The following MTSS1 variants were observed in gnomAD, a reference collection of about 807,000 sequenced individuals.
The protein encoded by MTSS1 is MTSS I-BAR domain containing 1.
In MTSS1, 18 loss-of-function variants were observed where a neutral mutation model predicts 79.0. The observed-to-expected ratio is 0.23, with a 90% CI of 0.16 to 0.34. The LOEUF (loss-of-function observed/expected upper bound fraction) is 0.34, where lower values mean the gene tolerates loss of function less well. MTSS1 is among the 10% of genes least tolerant of loss of function. The pLI is 1.00. For missense variants in MTSS1, 815 were observed against 986.2 expected, an observed-to-expected ratio of 0.83 and a Z score of 2.33; for synonymous variants, 341 against 368.6, an observed-to-expected ratio of 0.93 and a Z score of 0.86.
At chr8:124,637,094 C>G (rs1232482399) in intron 3 of MTSS1, among the ~76,000 whole-genome samples, 1 of 152,032 alleles carries the variant, frequency 6.6e-6, no homozygotes, top group Non-Finnish European at 1.5e-5. Context: ...GGACGTGTAC[C>G]CTAAAAGATG....
chr8:124,689,996 C>T (rs1233745565), intron 3 of MTSS1, among the ~76,000 whole-genome samples: 1 of 152,106 alleles, frequency 6.6e-6, no homozygotes, highest in Non-Finnish European at 1.5e-5. Context: ...ATACAAAATG[C>T]ACGGTGGCTC....
Position 124,597,053 on chromosome 8 carries a change from C to T in MTSS1, c.209-5818G>A, listed in dbSNP as rs1279947121. Among the ~76,000 whole-genome samples the T allele has an allele frequency of 2.0e-5, 3 of 152,200 alleles. No homozygotes were observed. Among genetic ancestry groups the T allele is most frequent in the East Asian group, 3.9e-4 (2 of 5,180 alleles). On this transcript the variant is annotated intron_variant, in intron 3 of 13. Transcript: ENST00000518547. This position sits in a 1 kb window ranked among gnomAD's most constrained non-coding sequence, Gnocchi z 4.6. ...TCAACCTATCTTTCTGGGGGTGCGC[C>T]GCAGTCCACGGCCCACATCCTACCG...
chr8:124,706,749 A>T (rs1011297397), intron 1 of MTSS1, among the ~76,000 whole-genome samples: 1 of 152,262 alleles, frequency 6.6e-6, no homozygotes. Context: ...CCAAGAGCAG[A>T]ACTGTATATT....
intron 3 of MTSS1, among the ~76,000 whole-genome samples, chr8:124,689,272 G>T (rs1015882017): frequency 6.6e-6 from 1 of 152,054 alleles, no homozygotes; most frequent in African/African-American, 2.4e-5. Flanking sequence ...CACAGAGGAG[G>T]CATCTATGTG....
At position 124,696,928 on chromosome 8, in the gene MTSS1, T is replaced by C. The variant is rs565500483; in HGVS notation, c.208+2598A>G. Among the ~76,000 whole-genome samples the C allele has an allele frequency of 2.9e-4, 44 of 152,066 alleles. 1 individual carries two copies. In the South Asian group the frequency reaches 9.1e-3, roughly 32 times the overall value. Reference sequence around the variant, plus strand: ...GATTATTTGCCTTTGGTGAAATACATCACCTCCAAACTCCTACTCTACCCC... The same window carrying C: ...GATTATTTGCCTTTGGTGAAATACACCACCTCCAAACTCCTACTCTACCCC... On this transcript the variant is annotated intron_variant, in intron 3 of 13. Coordinates refer to ENST00000518547, the MANE Select transcript of MTSS1 (RefSeq NM_014751.6).
intron 1 of MTSS1, among the ~76,000 whole-genome samples, chr8:124,718,527 C>G (rs996995980): frequency 1.3e-5 from 2 of 152,054 alleles, no homozygotes; most frequent in Admixed American, 6.6e-5. Flanking sequence ...TGCTGCCGAG[C>G]GGGCTTTGAA....
intron 3 of MTSS1, among the ~76,000 whole-genome samples, chr8:124,664,374 C>G (rs1822664398): frequency 1.3e-5 from 2 of 152,202 alleles, no homozygotes; most frequent in African/African-American, 4.8e-5. Flanking sequence ...GCTGCTTCTC[C>G]AAGTAGCTTC....
chr8:124,688,364 G>A lies in MTSS1; in HGVS notation c.208+11162C>T, dbSNP rs756962203. 1.1e-4 allele frequency among the ~76,000 whole-genome samples: 17 copies of A among 151,420 alleles called. No individual in the cohort carries two copies. In the East Asian group the frequency reaches 1.4e-3, roughly 12 times the overall value. ...TATGTGTGTTGTGTGTGTGTTGTAC[G>A]TGTGTACATGTGTATGTTGTGTGTA... On this transcript the variant is annotated intron_variant, in intron 3 of 13. Coordinates refer to ENST00000518547, the MANE Select transcript of MTSS1 (RefSeq NM_014751.6).
chr8:124,559,198 G>T (rs1824727574), intron 10 of MTSS1, among the ~76,000 whole-genome samples: 1 of 152,160 alleles, frequency 6.6e-6, no homozygotes, highest in Admixed American at 6.5e-5. Flanking sequence ...TGCTCTCTTG[G>T]GTGTTTCTTC....
chr8:124,663,267 A>T (rs931465543), intron 3 of MTSS1, among the ~76,000 whole-genome samples: 3 of 152,194 alleles, frequency 2.0e-5, no homozygotes, highest in Non-Finnish European at 4.4e-5. Flanking sequence ...ACAGACAGAC[A>T]GACTGACAGA....
chr8:124,627,434 G>A (rs1055918323), intron 3 of MTSS1, among the ~76,000 whole-genome samples: 13 of 152,242 alleles, frequency 8.5e-5, no homozygotes, highest in South Asian at 6.2e-4. Context: ...CAAGGCTCAC[G>A]CAGGTTAAGT....
chr8:124,675,871 T>G (rs1002481730), intron 3 of MTSS1, among the ~76,000 whole-genome samples: 1 of 152,250 alleles, frequency 6.6e-6, no homozygotes, highest in African/African-American at 2.4e-5. Flanking sequence ...TACCGCAATT[T>G]GTTTATCCAT....
At chr8:124,719,977 C>T (rs368757274) in intron 1 of MTSS1, among the ~76,000 whole-genome samples, 2 of 152,102 alleles carry the variant, frequency 1.3e-5, no homozygotes, top group African/African-American at 2.4e-5. Context: ...ACGCTAGAGC[C>T]GGGCTTCAAA....
chr8:124,568,653 A>C (rs1586868557), intron 6 of MTSS1, 117 bp from the exon 7 acceptor site: 2 of 1,516,668 alleles, frequency 1.3e-6, no homozygotes, highest in African/African-American at 2.7e-5. Context: ...GATGTAAAAA[A>C]AGTATTTATT....
chr8:124,552,126 A>G lies in MTSS1; in HGVS notation c.*866T>C, dbSNP rs970791373. 6.6e-6 allele frequency: 1 copy of G among 152,666 alleles called. No individual in the cohort carries two copies. The allele number at this position is 152,666 out of a possible 1,614,324, so 9.5% of individuals were successfully genotyped here. A position where few individuals can be genotyped will look rare whatever the true frequency, so the allele number is the denominator to read the frequency against. ...TTTGGATTCCATAAAGGTGAGTACA[A>G]TCAACGAGAAACTGAAGTGGGAGAT... On this transcript the variant is annotated 3_prime_UTR_variant, in exon 14 of 14. Coordinates refer to ENST00000518547, the MANE Select transcript of MTSS1 (RefSeq NM_014751.6).
chr8:124,666,924 G>T (rs73343990), intron 3 of MTSS1, among the ~76,000 whole-genome samples: 1 of 152,114 alleles, frequency 6.6e-6, no homozygotes, highest in African/African-American at 2.4e-5. Context: ...AGGAGTTTAG[G>T]GGGAGAGTTG....
chr8:124,573,703 G>A (rs1828347456), intron 6 of MTSS1, among the ~76,000 whole-genome samples: 1 of 152,234 alleles, frequency 6.6e-6, no homozygotes, highest in Non-Finnish European at 1.5e-5. Flanking sequence ...GAGGAGGAGG[G>A]AGGGGGTGCC....
At position 124,557,924 on chromosome 8, in the gene MTSS1, A is replaced by G. The variant is rs1445697447; in HGVS notation, c.1036-49T>C. The G allele has an allele frequency of 2.1e-6, 3 of 1,421,184 alleles. No homozygotes were observed. The East Asian group carries it at 7.4e-5, about 35-fold the overall frequency. 88.0% of individuals were successfully genotyped at this position (1,421,184 alleles called of 1,614,324 possible). A position where few individuals can be genotyped will look rare whatever the true frequency, so the allele number is the denominator to read the frequency against. On this transcript the variant is annotated intron_variant, in intron 10 of 13. Transcript: ENST00000518547. ...GGGGGAAGGAAAAAAAATTAATATAACAGGATGAGTGCGGAGATACAAAAT... is the reference window on the plus strand; with the variant it reads ...GGGGGAAGGAAAAAAAATTAATATAGCAGGATGAGTGCGGAGATACAAAAT...
At chr8:124,697,366 C>G (rs1014952639) in intron 3 of MTSS1, among the ~76,000 whole-genome samples, 6 of 151,984 alleles carry the variant, frequency 3.9e-5, no homozygotes, top group African/African-American at 1.5e-4. Context: ...TGGAGACTAG[C>G]CTGGCTAACA....
Sources: allele counts gnomAD v4.1 joint callset (sites outside exome capture counted in the v4.1 genomes callset), GRCh38; gene constraint gnomAD v4.1.1; non-coding constraint Gnocchi (gnomAD v3.1); transcripts MANE v1.5; gene names NCBI Gene and HGNC (gene_info 2026-07-23, HGNC 2026-07-21).